The following BICRA variants were observed in gnomAD, a reference collection of about 807,000 sequenced individuals.
The protein encoded by BICRA is BRD4-interacting chromatin-remodeling complex-associated protein.
BICRA carries 31 observed loss-of-function variants against 96.9 expected under a neutral mutation model. The observed-to-expected ratio is 0.32, with a 90% CI of 0.24 to 0.43. The LOEUF is 0.43. Among genes scored for constraint, BICRA ranks in the 20% least tolerant of loss-of-function variants. BICRA has a pLI of 1.00. For missense variants in BICRA, 2,283 were observed against 2,190.3 expected, an observed-to-expected ratio of 1.04 and a Z score of -0.84; for synonymous variants, 1,350 against 1,071.8, an observed-to-expected ratio of 1.26 and a Z score of -5.07.
At chr19:47,641,814 A>G (rs1313279089) in intron 1 of BICRA, among the ~76,000 whole-genome samples, 1 of 152,098 alleles carries the variant, frequency 6.6e-6, no homozygotes, top group Non-Finnish European at 1.5e-5. Context: ...TCCTTGCAAT[A>G]TTAAGTATTC....
intron 1 of BICRA, among the ~76,000 whole-genome samples, chr19:47,658,691 G>A (rs1484017932): frequency 6.6e-6 from 1 of 151,092 alleles, no homozygotes; most frequent in African/African-American, 2.4e-5. Context: ...CGCAGAGTGT[G>A]GTCTGTGCCA....
At chr19:47,632,849 T>C (rs936054035) in intron 1 of BICRA, among the ~76,000 whole-genome samples, 6 of 152,102 alleles carry the variant, frequency 3.9e-5, no homozygotes, top group African/African-American at 1.4e-4. Flanking sequence ...TCAGAAGAAC[T>C]TGGGCTCGGA....
intron 4 of BICRA, among the ~76,000 whole-genome samples, chr19:47,674,104 G>C (rs538904367): frequency 3.9e-5 from 6 of 152,294 alleles, no homozygotes; most frequent in African/African-American, 1.4e-4. Context: ...TGATCAGAAA[G>C]GGTCACACGA....
In BICRA at chr19:47,702,438, C is replaced by T. The variant is rs553851089; in HGVS notation, c.*23C>T. 1.1e-5 allele frequency: 16 copies of T among 1,458,806 alleles called. No individual in the cohort carries two copies. Among genetic ancestry groups the T allele is most frequent in the East Asian group, 8.4e-5 (3 of 35,594 alleles). 90.4% of individuals were successfully genotyped at this position (1,458,806 alleles called of 1,614,324 possible). ...TAACACCGGGCCGCCTCCCCTTCCC[C>T]GTCCCCTCCTCCCGAAGACGCCGGG... is the stretch of plus-strand genomic sequence containing the variant. On this transcript the variant is annotated 3_prime_UTR_variant, in exon 15 of 15. Coordinates refer to ENST00000594866, the MANE Select transcript of BICRA (RefSeq NM_001394372.1).
At chr19:47,641,845 T>G (rs1972390035) in intron 1 of BICRA, among the ~76,000 whole-genome samples, 1 of 152,214 alleles carries the variant, frequency 6.6e-6, no homozygotes, top group Admixed American at 6.5e-5. Context: ...ACATGGGATA[T>G]CTTTCCATTT....
At chr19:47,667,242 C>T (rs1972795323) in intron 1 of BICRA, among the ~76,000 whole-genome samples, 2 of 152,100 alleles carry the variant, frequency 1.3e-5, no homozygotes, top group South Asian at 4.1e-4. Flanking sequence ...GTCTCGATCT[C>T]CTGACCTTGT....
chr19:47,646,791 T>C (rs1248436465), intron 1 of BICRA, among the ~76,000 whole-genome samples: 1 of 152,182 alleles, frequency 6.6e-6, no homozygotes. Flanking sequence ...TTTAACAGCT[T>C]TATTGAGATA....
intron 1 of BICRA, among the ~76,000 whole-genome samples, chr19:47,658,753 C>T (rs978477069): frequency 3.3e-5 from 5 of 152,064 alleles, no homozygotes; most frequent in Admixed American, 6.6e-5. Flanking sequence ...TCTCAGGCCG[C>T]ACCGGGACCT....
intron 1 of BICRA, among the ~76,000 whole-genome samples, chr19:47,634,479 T>TC (rs1484532970): frequency 6.6e-6 from 1 of 151,978 alleles, no homozygotes; most frequent in Non-Finnish European, 1.5e-5. Context: ...TCACTTTCTC[T>TC]CCCCCTTGAT....
At chr19:47,690,062 C>T (rs1042772111) in intron 7 of BICRA, among the ~76,000 whole-genome samples, 5 of 152,126 alleles carry the variant, frequency 3.3e-5, no homozygotes, top group African/African-American at 9.7e-5. Context: ...AGTGCAATGG[C>T]GTGATACTGG....
rs1257397850 is a variant in BICRA, at chr19:47,679,465, C to A, written c.295C>A (p.Gln99Lys). Reference sequence around the variant, plus strand: ...CGGCGGGGGCAGTGGGGGCGCTGACCAGCCCTGTGACATCCTCCAGCAGAG... The same window carrying A: ...CGGCGGGGGCAGTGGGGGCGCTGACAAGCCCTGTGACATCCTCCAGCAGAG... ...GGGGGSGGADQPCDILQQSLQ... is the reference protein window; with the variant it reads ...GGGGGSGGADKPCDILQQSLQ... Residue 99 changes from glutamine (Q) to lysine (K), a missense_variant, in exon 6 of 15, where the codon CAG becomes AAG. By Grantham distance (53) the Gln-to-Lys change is moderately conservative. Transcript: ENST00000594866. The A allele has an allele frequency of 6.6e-7, 1 of 1,523,278 alleles. No individual in the cohort carries two copies. Among genetic ancestry groups the A allele is most frequent in the South Asian group, 1.2e-5 (1 of 80,200 alleles). The allele number at this position is 1,523,278 out of a possible 1,614,324, so 94.4% of individuals were successfully genotyped here.
chr19:47,624,720 G>C (rs1257460958), intron 1 of BICRA, among the ~76,000 whole-genome samples: 2 of 151,646 alleles, frequency 1.3e-5, no homozygotes, highest in Non-Finnish European at 2.9e-5. Flanking sequence ...TGGAAGATAG[G>C]GTCTCATTCT....
At chr19:47,661,229 A>AAAAAAAAAAG (rs1568561460) in intron 1 of BICRA, among the ~76,000 whole-genome samples, 6 of 151,036 alleles carry the variant, frequency 4.0e-5, no homozygotes, top group African/African-American at 1.5e-4. Context: ...AAAAAAAAAA[A>AAAAAAAAAAG]GACGAAGTAC....
intron 5 of BICRA, among the ~76,000 whole-genome samples, chr19:47,677,564 C>A (rs1310627753): frequency 6.6e-6 from 1 of 152,208 alleles, no homozygotes; most frequent in Non-Finnish European, 1.5e-5. Context: ...GGCATGGTGG[C>A]ACACGCCTGT....
chr19:47,655,855 CAA>C (rs1009237984), intron 1 of BICRA, among the ~76,000 whole-genome samples: 1 of 140,018 alleles, frequency 7.1e-6, no homozygotes, highest in African/African-American at 2.7e-5. Context: ...GACTCCATCT[CAA>C]AAAAAAAATA....
At chr19:47,696,709 G>A (rs1033526064) in intron 11 of BICRA, among the ~76,000 whole-genome samples, 197 bp downstream of exon 11, 12 of 152,362 alleles carry the variant, frequency 7.9e-5, no homozygotes, top group Non-Finnish European at 1.0e-4. Context: ...GTGGTGGAGG[G>A]AGGGTGGGCT....
intron 1 of BICRA, among the ~76,000 whole-genome samples, chr19:47,633,464 A>G (rs2123525575): frequency 6.6e-6 from 1 of 152,092 alleles, no homozygotes. Context: ...CAGCCTCCCA[A>G]AGTACTGTAA....
chr19:47,641,070 A>ATTTTTTTTTT (rs71180861), intron 1 of BICRA, among the ~76,000 whole-genome samples: 229 of 104,546 alleles, frequency 2.2e-3, no homozygotes, highest in African/African-American at 4.6e-3. Context: ...TGCCTGGCTA[A>ATTTTTTTTTT]TTTTTTTTTT....
chr19:47,662,276 C>G (rs1321624671), intron 1 of BICRA: 2 of 152,556 alleles, frequency 1.3e-5, no homozygotes, highest in Non-Finnish European at 2.9e-5. Flanking sequence ...TGGCTGTTAG[C>G]TGGGGTGATG....
Sources: gnomAD v4.1 joint callset for allele counts (sites outside exome capture counted in the v4.1 genomes callset) on GRCh38, gnomAD v4.1.1 for gene constraint, MANE v1.5 for transcripts, NCBI Gene and HGNC (gene_info 2026-07-23, HGNC 2026-07-21) for gene names.